Variants in PRPS2 observed in about 807,000 individuals in gnomAD.
PRPS2 encodes the protein ribose-phosphate pyrophosphokinase 2.
For synonymous variants in PRPS2, 111 were observed against 115.3 expected, an observed-to-expected ratio of 0.96 and a Z score of 0.24; for missense variants, 104 against 271.5, an observed-to-expected ratio of 0.38 and a Z score of 4.34.
intron 4 of PRPS2, among the ~76,000 whole-genome samples, chrX:12,810,581 A>C (rs1465827159): frequency 1.8e-5 from 2 of 111,825 alleles, no homozygotes; most frequent in African/African-American, 6.5e-5. Context: ...TGAGACCAAG[A>C]AATAAAGCAG....
chrX:12,816,324 CAG>C (rs997975128), intron 4 of PRPS2, among the ~76,000 whole-genome samples: 4 of 111,291 alleles, frequency 3.6e-5, no homozygotes, highest in African/African-American at 1.3e-4. Flanking sequence ...GTTTTTGAGA[CAG>C]AGTCTTGCTC....
intron 2 of PRPS2, among the ~76,000 whole-genome samples, chrX:12,806,242 T>C (rs2042593201): frequency 1.8e-5 from 2 of 112,168 alleles, no homozygotes; most frequent in African/African-American, 3.2e-5. Flanking sequence ...TCCTTTTTTG[T>C]AGCAGAGAAA....
intron 5 of PRPS2, 33 bp from the exon 6 acceptor site, chrX:12,820,611 T>C (rs1328928197): frequency 8.4e-7 from 1 of 1,185,070 alleles, no homozygotes. Context: ...AATATTTGCA[T>C]ACCCTTAATT....
chrX:12,811,923 A>G (rs757437659), intron 4 of PRPS2, among the ~76,000 whole-genome samples: 10 of 112,213 alleles, frequency 8.9e-5, no homozygotes, highest in Non-Finnish European at 1.5e-4. Context: ...CAGCAGCAGG[A>G]AGTGGCTGTG....
At chrX:12,810,931 A>G (rs1057319187) in intron 4 of PRPS2, among the ~76,000 whole-genome samples, 1 of 111,903 alleles carries the variant, frequency 8.9e-6, no homozygotes, top group Non-Finnish European at 1.9e-5. Flanking sequence ...GGGAAAGCCC[A>G]TCTTTACCTC....
At chrX:12,814,340 A>G (rs747179481) in intron 4 of PRPS2, among the ~76,000 whole-genome samples, 44 of 111,792 alleles carry the variant, frequency 3.9e-4, no homozygotes, top group Admixed American at 1.8e-3. Context: ...TTTTTAGGGA[A>G]GTACATTTCA....
chrX:12,799,345 C>A lies in PRPS2; in HGVS notation c.261C>A (p.Ala87=), dbSNP rs144496781. Residue 87 remains alanine (A), a synonymous_variant, in exon 2 of 7, where the codon GCC becomes GCA. Coordinates refer to ENST00000380668, the MANE Select transcript of PRPS2 (RefSeq NM_002765.5). ...CKIASSSRVT[A]VIPCFPYARQ... Reference sequence around the variant, plus strand: ...TTGCGTCATCATCCAGAGTAACTGCCGTGATCCCGTGTTTCCCATACGCCC... The same window carrying A: ...TTGCGTCATCATCCAGAGTAACTGCAGTGATCCCGTGTTTCCCATACGCCC... 4.1e-6 allele frequency: 5 copies of A among 1,209,311 alleles called. No individual in the cohort carries two copies. Among genetic ancestry groups the A allele is most frequent in the Non-Finnish European group, 5.6e-6 (5 of 895,097 alleles).
At chrX:12,818,360 C>G (rs1309740072) in intron 4 of PRPS2, among the ~76,000 whole-genome samples, 1 of 69,821 alleles carries the variant, frequency 1.4e-5, no homozygotes, top group African/African-American at 5.7e-5. Context: ...AAGAGTGAAA[C>G]TGTCTCAAAA....
chrX:12,818,077 A>C (rs2042657276), intron 4 of PRPS2, among the ~76,000 whole-genome samples: 1 of 111,704 alleles, frequency 9.0e-6, no homozygotes, highest in South Asian at 3.8e-4. Flanking sequence ...CACAATTGAA[A>C]AGAAACACTG....
chrX:12,803,365 G>A (rs1364060861), intron 2 of PRPS2, among the ~76,000 whole-genome samples: 1 of 112,613 alleles, frequency 8.9e-6, no homozygotes, highest in Non-Finnish European at 1.9e-5. Flanking sequence ...TTAGCTCACT[G>A]CAGCCTCAAA....
chrX:12,818,570 G>A (rs1191530459), intron 4 of PRPS2, among the ~76,000 whole-genome samples: 1 of 110,442 alleles, frequency 9.1e-6, no homozygotes, highest in Admixed American at 9.7e-5. Flanking sequence ...AGTAGGACTA[G>A]GACTTTAAAA....
At chrX:12,808,870 A>C (rs1360215376) in intron 2 of PRPS2, among the ~76,000 whole-genome samples, 1 of 110,578 alleles carries the variant, frequency 9.0e-6, no homozygotes, top group Non-Finnish European at 1.9e-5. Context: ...TCTTGTTTAA[A>C]CTTTATGCCC....
At chrX:12,814,619 G>A (rs748571602) in intron 4 of PRPS2, among the ~76,000 whole-genome samples, 11 of 112,033 alleles carry the variant, frequency 9.8e-5, no homozygotes, top group Non-Finnish European at 1.9e-4. Context: ...AAAACTGAAT[G>A]TTGCCACAGG....
At chrX:12,804,449 G>T (rs965542640) in intron 2 of PRPS2, among the ~76,000 whole-genome samples, 1 of 111,309 alleles carries the variant, frequency 9.0e-6, no homozygotes, top group Non-Finnish European at 1.9e-5. Context: ...GCCCACCTTT[G>T]CATTTTTTAA....
chrX:12,801,231 T>C (rs1165925072), intron 2 of PRPS2, among the ~76,000 whole-genome samples: 2 of 107,443 alleles, frequency 1.9e-5, no homozygotes, highest in Admixed American at 1.0e-4. Context: ...CGTGTGTGTG[T>C]GTGTGTGTGT....
chrX:12,818,996 T>C (rs183537669), intron 4 of PRPS2, among the ~76,000 whole-genome samples: 3 of 111,787 alleles, frequency 2.7e-5, no homozygotes, highest in Non-Finnish European at 5.6e-5. Context: ...CCTGGCACCA[T>C]TGATGTCTGA....
At chrX:12,796,414 T>C (rs1402056577) in intron 1 of PRPS2, among the ~76,000 whole-genome samples, 1 of 109,608 alleles carries the variant, frequency 9.1e-6, no homozygotes, top group Non-Finnish European at 1.9e-5. Context: ...AGAGATGGGG[T>C]TTCTCCATGT....
At chrX:12,803,019 G>A (rs1389607042) in intron 2 of PRPS2, among the ~76,000 whole-genome samples, 1 of 112,225 alleles carries the variant, frequency 8.9e-6, no homozygotes. Flanking sequence ...GGGTGTATTC[G>A]TTTCCTAGCA....
rs2302266 is a variant in PRPS2 at position 12,819,685 on chromosome X, G to A, written c.704+5G>A. The A allele has an allele frequency of 2.5e-6, 3 of 1,205,640 alleles. No individual in the cohort carries two copies. The highest frequency in any genetic ancestry group is 1.1e-6 in the Non-Finnish European group (1 of 892,434). ...CATCTGCCATGCTGCGGACAAGTAC[G>A]CAGGGCGGTGGGGAAAGCGTTAGGA... is the stretch of plus-strand genomic sequence containing the variant. On this transcript the variant is annotated splice_donor_5th_base_variant and intron_variant, in intron 5 of 6. Coordinates refer to ENST00000380668, the MANE Select transcript of PRPS2 (RefSeq NM_002765.5).
Sources: gnomAD v4.1 joint callset for allele counts (sites outside exome capture counted in the v4.1 genomes callset) on GRCh38, gnomAD v4.1.1 for gene constraint, MANE v1.5 for transcripts, NCBI Gene and HGNC (gene_info 2026-07-23, HGNC 2026-07-21) for gene names.